The following PADI2 variants were observed in gnomAD, a reference collection of about 807,000 sequenced individuals.
The protein encoded by PADI2 is peptidyl arginine deiminase 2.
In PADI2, 70 loss-of-function variants were observed where a neutral mutation model predicts 81.1. That is an observed-to-expected ratio of 0.86 (90% CI 0.71 to 1.05). The LOEUF (loss-of-function observed/expected upper bound fraction) is 1.05. Ranked by LOEUF, PADI2 falls within the 50% of genes least tolerant of loss-of-function variation. The pLI, the probability that PADI2 is intolerant of heterozygous loss-of-function variation, is 0.00. For missense variants in PADI2, 853 were observed against 889.9 expected, an observed-to-expected ratio of 0.96 and a Z score of 0.53; for synonymous variants, 338 against 358.0, an observed-to-expected ratio of 0.94 and a Z score of 0.63.
At position 17,114,482 on chromosome 1, in the gene PADI2, G is replaced by A. The variant is rs570723795; in HGVS notation, c.92+4798C>T. ...ACTCCTTCCTTCAGTTTCCCCAGCT[G>A]CGAAAAGGGGACAATAATTGTACCT... On this transcript the variant is annotated intron_variant, in intron 1 of 15. Transcript: ENST00000375486. 4.6e-4 allele frequency among the ~76,000 whole-genome samples: 70 copies of A among 152,244 alleles called. 1 individual carries two copies. The Middle Eastern group carries it at 0.01, about 22-fold the overall frequency.
At chr1:17,075,562 C>T in intron 12 of PADI2, 117 bp downstream of exon 12, 4 of 965,834 alleles carry the variant, frequency 4.1e-6, no homozygotes, top group Non-Finnish European at 6.0e-6. Flanking sequence ...CTTCAGCCTA[C>T]TTCCTCCTTC....
chr1:17,096,259 G>A (rs969007938), intron 3 of PADI2, among the ~76,000 whole-genome samples: 2 of 152,232 alleles, frequency 1.3e-5, no homozygotes, highest in Admixed American at 6.5e-5. Context: ...GTTGGGGAAT[G>A]ATCCTCGCTG....
intron 6 of PADI2, among the ~76,000 whole-genome samples, chr1:17,088,394 C>T (rs1440565286): frequency 6.6e-6 from 1 of 152,166 alleles, no homozygotes; most frequent in Non-Finnish European, 1.5e-5. Flanking sequence ...AGGGTTAGAA[C>T]ACATAAGCCG....
chr1:17,104,301 C>T (rs930145513), intron 2 of PADI2, among the ~76,000 whole-genome samples: 6 of 150,860 alleles, frequency 4.0e-5, no homozygotes, highest in African/African-American at 1.5e-4. Flanking sequence ...AACAAACAAA[C>T]AAACAAAAAA....
intron 1 of PADI2, among the ~76,000 whole-genome samples, chr1:17,106,250 G>A (rs910224): frequency 0.63 from 96,436 of 151,944 alleles, 31,726 homozygotes; most frequent in East Asian, 0.85. Context: ...CTTGAATTCC[G>A]AAATTCAAGA....
rs183966777 is a variant in PADI2, at chr1:17,086,901, T to G, written c.656-202A>C. ...TGCTGTGTGCTGGCTGTGTGGCGCTTTGCCAGACAGTCACCCTCTCTGGCT... is the reference window on the plus strand; with the variant it reads ...TGCTGTGTGCTGGCTGTGTGGCGCTGTGCCAGACAGTCACCCTCTCTGGCT... On this transcript the variant is annotated intron_variant, in intron 6 of 15. Transcript: ENST00000375486. Among the ~76,000 whole-genome samples the G allele has an allele frequency of 3.3e-4, 50 of 152,350 alleles. No individual in the cohort carries two copies. In the East Asian group the frequency reaches 6.9e-3, roughly 21 times the overall value.
chr1:17,104,028 A>C (rs909639586), intron 2 of PADI2, among the ~76,000 whole-genome samples: 3 of 151,306 alleles, frequency 2.0e-5, no homozygotes, highest in Non-Finnish European at 4.4e-5. Context: ...CACGCCTGTA[A>C]TCCCAGCACT....
At chr1:17,088,085 C>T (rs181476329) in intron 6 of PADI2, among the ~76,000 whole-genome samples, 2 of 151,894 alleles carry the variant, frequency 1.3e-5, no homozygotes, top group East Asian at 3.9e-4. Flanking sequence ...ATGTGGGAAG[C>T]GTCATAACGG....
chr1:17,111,470 G>C (rs549273760), intron 1 of PADI2, among the ~76,000 whole-genome samples: 1 of 152,144 alleles, frequency 6.6e-6, no homozygotes, highest in Non-Finnish European at 1.5e-5. Flanking sequence ...GGTGCCATGA[G>C]GCCCCAGTCT....
intron 9 of PADI2, chr1:17,082,863 GAT>G (rs1489001894): frequency 1.1e-5 from 5 of 461,306 alleles, no homozygotes; most frequent in African/African-American, 1.0e-4. Flanking sequence ...GTTTCTTACC[GAT>G]ATCAGCCCCA....
chr1:17,109,416 A>G (rs986780951), intron 1 of PADI2, among the ~76,000 whole-genome samples: 3 of 116,020 alleles, frequency 2.6e-5, no homozygotes, highest in Non-Finnish European at 1.8e-5. Context: ...AAAAAAAAAA[A>G]GCTTGGGATA....
At position 17,104,126 on chromosome 1, in the gene PADI2, C is replaced by CAA. The variant is rs112120798; in HGVS notation, c.276+750_276+751dup. 3.7e-5 allele frequency among the ~76,000 whole-genome samples: 5 copies of CAA among 133,892 alleles called. No homozygotes were observed. The Admixed American group carries it at 3.8e-4, about 10-fold the overall frequency. The allele number at this position is 133,892 out of a possible 152,430, so 87.8% of individuals were successfully genotyped here. ...TGAAACCCCATCTCTACTAAAAATACAAAAAAAAAAAAAAATTAGCTAGGC... is the reference window on the plus strand; with the variant it reads ...TGAAACCCCATCTCTACTAAAAATACAAAAAAAAAAAAAAAAATTAGCTAGGC... On this transcript the variant is annotated intron_variant, in intron 2 of 15. Transcript: ENST00000375486.
chr1:17,107,317 G>T (rs1340798516), intron 1 of PADI2, among the ~76,000 whole-genome samples: 1 of 152,220 alleles, frequency 6.6e-6, no homozygotes, highest in Non-Finnish European at 1.5e-5. Context: ...CTGTAGATTT[G>T]TAGATCCAGT....
intron 15 of PADI2, 141 bp downstream of exon 15, chr1:17,069,947 T>C: frequency 1.1e-6 from 1 of 889,254 alleles, no homozygotes; most frequent in Non-Finnish European, 1.7e-6. Context: ...AGAGGGCAAG[T>C]GCCTGAGGTG....
chr1:17,108,162 T>C (rs1931453425), intron 1 of PADI2, among the ~76,000 whole-genome samples: 1 of 151,966 alleles, frequency 6.6e-6, no homozygotes, highest in African/African-American at 2.4e-5. Flanking sequence ...TTGGCCAGGC[T>C]GGTCTTGAAC....
chr1:17,071,523 G>C, intron 13 of PADI2, 32 bp from the exon 14 acceptor site: 1 of 1,536,050 alleles, frequency 6.5e-7, no homozygotes, highest in Non-Finnish European at 9.0e-7. Context: ...GGATGGTCAA[G>C]CTTTAGATAC....
Position 17,074,944 on chromosome 1 carries a change from G to T in PADI2, c.1461C>A (p.Phe487Leu). 4.3e-6 allele frequency: 7 copies of T among 1,610,112 alleles called. No individual in the cohort carries two copies. Among genetic ancestry groups the T allele is most frequent in the Non-Finnish European group, 5.9e-6 (7 of 1,177,156 alleles). ...CCGAGGTGCTGGCCATGAGTAGCAG[G>T]AATTTCTGCAAGAGACAGTCCAGAG... Reference protein sequence around the residue: ...SFVPIPGTKKFLLLMASTSAC... With the variant: ...SFVPIPGTKKLLLLMASTSAC... The change falls in exon 13 of 16, where the codon TTC becomes TTA. Residue 487 changes from phenylalanine to leucine, a missense_variant. Transcript: ENST00000375486.
chr1:17,093,390 G>A (rs534904153), intron 5 of PADI2, among the ~76,000 whole-genome samples, 177 bp downstream of exon 5: 10 of 152,252 alleles, frequency 6.6e-5, no homozygotes, highest in African/African-American at 1.4e-4. Flanking sequence ...CACCACGCCC[G>A]GCCCTTGTCT....
intron 11 of PADI2, 150 bp from the exon 12 acceptor site, chr1:17,075,973 T>C (rs116345371): frequency 2.8e-6 from 2 of 704,518 alleles, no homozygotes; most frequent in Non-Finnish European, 4.9e-6. Context: ...TAAGAGACCC[T>C]GGCGCAGGCA....
Sources: gnomAD v4.1 joint callset for allele counts (sites outside exome capture counted in the v4.1 genomes callset) on GRCh38, gnomAD v4.1.1 for gene constraint, MANE v1.5 for transcripts, NCBI Gene and HGNC (gene_info 2026-07-23, HGNC 2026-07-21) for gene names.